Variants in REDIC1 observed in about 807,000 individuals in gnomAD.
REDIC1 encodes the protein regulator of DNA class I crossover intermediates 1.
At chr12:39,702,264 C>T in the REDIC1 span, among the ~76,000 whole-genome samples, 18 of 152,078 alleles carry the variant, frequency 1.2e-4, no homozygotes, top group South Asian at 2.1e-4. Flanking sequence ...CACCACCGAT[C>T]CCACAGAAAT....
chr12:39,880,828 C>A, the REDIC1 span, among the ~76,000 whole-genome samples: 3 of 152,212 alleles, frequency 2.0e-5, no homozygotes, highest in Admixed American at 6.5e-5. Flanking sequence ...ACATCACTGA[C>A]TTTCCTTTAA....
chr12:39,864,099 T>A, the REDIC1 span, among the ~76,000 whole-genome samples: 2 of 152,228 alleles, frequency 1.3e-5, no homozygotes. Flanking sequence ...AATCGATGTG[T>A]CCAATCACTC....
At chr12:39,726,570 G>A in the REDIC1 span, among the ~76,000 whole-genome samples, 11 of 152,154 alleles carry the variant, frequency 7.2e-5, no homozygotes, top group Admixed American at 3.9e-4. Flanking sequence ...TCATTGATGG[G>A]CATTTGGGTT....
At chr12:39,709,927 A>G in the REDIC1 span, among the ~76,000 whole-genome samples, 1 of 151,804 alleles carries the variant, frequency 6.6e-6, no homozygotes. Context: ...GCACCATTTT[A>G]TATTTCCACC....
chr12:39,628,680 G>A, the REDIC1 span, among the ~76,000 whole-genome samples: 2 of 152,144 alleles, frequency 1.3e-5, no homozygotes, highest in African/African-American at 2.4e-5. Context: ...TGTACAGGGG[G>A]ATTCAGAAAA....
At chr12:39,714,690 A>C in the REDIC1 span, among the ~76,000 whole-genome samples, 2 of 151,832 alleles carry the variant, frequency 1.3e-5, no homozygotes, top group Non-Finnish European at 2.9e-5. Context: ...AGCAATGTAG[A>C]AGTGTTCCCT....
At chr12:39,773,564 T>C in the REDIC1 span, among the ~76,000 whole-genome samples, 1 of 152,212 alleles carries the variant, frequency 6.6e-6, no homozygotes, top group Non-Finnish European at 1.5e-5. Context: ...GTTTCAAACC[T>C]AAGAAATAAC....
chr12:39,764,157 T>C, the REDIC1 span, among the ~76,000 whole-genome samples: 2 of 152,032 alleles, frequency 1.3e-5, no homozygotes. Context: ...TCTGTGAAAC[T>C]AAAAGCTATG....
At chr12:39,694,782 G>T in the REDIC1 span, among the ~76,000 whole-genome samples, 1 of 152,122 alleles carries the variant, frequency 6.6e-6, no homozygotes, top group East Asian at 1.9e-4. Context: ...CTAAGGGAGT[G>T]TGGCAATCAC....
At chr12:39,684,279 G>A in the REDIC1 span, 15 of 964,312 alleles carry the variant, frequency 1.6e-5, no homozygotes, top group Non-Finnish European at 1.9e-5. Context: ...ATTTTAGCTA[G>A]TAGTTTCTAG....
At chr12:39,742,253 T>C in the REDIC1 span, among the ~76,000 whole-genome samples, 1 of 152,204 alleles carries the variant, frequency 6.6e-6, no homozygotes, top group Non-Finnish European at 1.5e-5. Flanking sequence ...CTAAGCAGGA[T>C]GGCTTTTTAA....
the REDIC1 span, among the ~76,000 whole-genome samples, chr12:39,711,833 A>C: frequency 2.7e-4 from 2 of 7,500 alleles, no homozygotes; most frequent in African/African-American, 4.6e-4. Flanking sequence ...GCATGTGTAT[A>C]TGTGTGTATA....
chr12:39,781,880 G>C, the REDIC1 span, among the ~76,000 whole-genome samples: 1 of 152,228 alleles, frequency 6.6e-6, no homozygotes, highest in East Asian at 1.9e-4. Flanking sequence ...ACATTTGCCT[G>C]TACTTGCAGA....
chr12:39,736,428 T>C, the REDIC1 span, among the ~76,000 whole-genome samples: 1 of 152,198 alleles, frequency 6.6e-6, no homozygotes, highest in Non-Finnish European at 1.5e-5. Flanking sequence ...ATTTGATAAA[T>C]AGCATCTGAG....
chr12:39,784,270 A>G, the REDIC1 span, among the ~76,000 whole-genome samples: 9 of 152,208 alleles, frequency 5.9e-5, no homozygotes, highest in African/African-American at 9.7e-5. Context: ...TTGCCAAGTC[A>G]ATCCTAAGCC....
the REDIC1 span, among the ~76,000 whole-genome samples, chr12:39,896,750 CTATTA>C: frequency 6.6e-5 from 10 of 151,944 alleles, no homozygotes; most frequent in East Asian, 1.9e-4. Context: ...CTTGCAGTTT[CTATTA>C]TATTTTTCAC....
the REDIC1 span, among the ~76,000 whole-genome samples, chr12:39,731,223 G>C: frequency 6.6e-6 from 1 of 152,262 alleles, no homozygotes; most frequent in East Asian, 1.9e-4. Context: ...ATTCTTTGGG[G>C]GAGAAGAGGT....
the REDIC1 span, chr12:39,682,989 G>A: frequency 6.2e-7 from 1 of 1,613,250 alleles, no homozygotes; most frequent in Non-Finnish European, 8.5e-7. Context: ...TTCCAGAGTT[G>A]ACTTTTAGTA....
At chr12:39,627,738 G>A in the REDIC1 span, among the ~76,000 whole-genome samples, 3 of 151,988 alleles carry the variant, frequency 2.0e-5, no homozygotes, top group East Asian at 3.9e-4. Context: ...TACAAACGTC[G>A]AAGTCAAAAT....
Sources: gnomAD v4.1 joint callset for allele counts (sites outside exome capture counted in the v4.1 genomes callset) on GRCh38, gnomAD v4.1.1 for gene constraint, MANE v1.5 for transcripts, NCBI Gene and HGNC (gene_info 2026-07-23, HGNC 2026-07-21) for gene names.